Variants in CNTN5 observed in about 807,000 individuals in gnomAD.
CNTN5 encodes contactin-5.
CNTN5 carries 77 observed loss-of-function variants against 129.1 expected under a neutral mutation model. That is an observed-to-expected ratio of 0.60 (90% CI 0.50 to 0.72). The LOEUF is 0.72. Ranked by LOEUF, CNTN5 falls within the 30% of genes least tolerant of loss-of-function variation. The pLI is 0.00. For synonymous variants in CNTN5, 509 were observed against 465.6 expected (o/e 1.09, Z -1.20); for missense variants, 1,478 against 1,328.8 (o/e 1.11, Z -1.75).
intron 3 of CNTN5, among the ~76,000 whole-genome samples, chr11:99,590,870 A>G (rs112336628): frequency 2.0e-5 from 3 of 152,368 alleles, no homozygotes; most frequent in African/African-American, 7.2e-5. Flanking sequence ...TGTTCAGAAT[A>G]TATTTTTTCC....
At chr11:99,930,802 C>CACACACAA (rs1257871925) in intron 7 of CNTN5, among the ~76,000 whole-genome samples, 1 of 151,540 alleles carries the variant, frequency 6.6e-6, no homozygotes, top group East Asian at 1.9e-4. Flanking sequence ...CACAAACACA[C>CACACACAA]ACACACACAC....
chr11:99,806,746 G>A (rs1237092646), intron 3 of CNTN5, among the ~76,000 whole-genome samples: 1 of 150,760 alleles, frequency 6.6e-6, no homozygotes, highest in Non-Finnish European at 1.5e-5. Context: ...GGCAGAGGTG[G>A]CAGTGAGCCA....
chr11:99,682,560 C>CA (rs1285918662), intron 3 of CNTN5, among the ~76,000 whole-genome samples: 1 of 151,862 alleles, frequency 6.6e-6, no homozygotes, highest in Non-Finnish European at 1.5e-5. Flanking sequence ...ACACAGTAAA[C>CA]AAAATATAAT....
intron 16 of CNTN5, among the ~76,000 whole-genome samples, chr11:100,255,000 T>A (rs889551087): frequency 1.3e-5 from 2 of 152,164 alleles, no homozygotes; most frequent in Non-Finnish European, 2.9e-5. Context: ...TCAAATCTGG[T>A]TATAATTCGT....
At chr11:99,431,053 T>C (rs1943347982) in intron 2 of CNTN5, among the ~76,000 whole-genome samples, 1 of 151,050 alleles carries the variant, frequency 6.6e-6, no homozygotes, top group South Asian at 2.1e-4. Flanking sequence ...ATTTCAGCAA[T>C]TTTAAAAGGC....
At chr11:100,172,517 G>A (rs1293569508) in intron 13 of CNTN5, among the ~76,000 whole-genome samples, 2 of 151,994 alleles carry the variant, frequency 1.3e-5, no homozygotes, top group Non-Finnish European at 2.9e-5. Flanking sequence ...TGATGTGTGG[G>A]TGAAAAGATA....
At chr11:99,427,551 G>T (rs557794615) in intron 2 of CNTN5, among the ~76,000 whole-genome samples, 1 of 151,928 alleles carries the variant, frequency 6.6e-6, no homozygotes. Flanking sequence ...CGGATCATGA[G>T]GTCAGGAGAT....
intron 13 of CNTN5, among the ~76,000 whole-genome samples, chr11:100,173,843 GA>G (rs1947888446): frequency 6.6e-6 from 1 of 152,094 alleles, no homozygotes; most frequent in Admixed American, 6.6e-5. Flanking sequence ...ACATAAGTAA[GA>G]CGCTGGTCCC....
At chr11:99,034,077 A>T (rs1863559962) in intron 1 of CNTN5, among the ~76,000 whole-genome samples, 1 of 152,016 alleles carries the variant, frequency 6.6e-6, no homozygotes, top group Admixed American at 6.6e-5. Context: ...ATATTTATTG[A>T]TCTGTATATA....
intron 1 of CNTN5, among the ~76,000 whole-genome samples, chr11:99,286,904 ACTAAGCTATATT>A (rs1468676428): frequency 6.6e-6 from 1 of 152,174 alleles, no homozygotes; most frequent in African/African-American, 2.4e-5. Context: ...GCAAATCCTA[ACTAAGCTATATT>A]ATTTTAACAG....
intron 9 of CNTN5, among the ~76,000 whole-genome samples, chr11:100,043,004 C>G (rs554015788): frequency 1.5e-4 from 22 of 151,080 alleles, no homozygotes; most frequent in African/African-American, 4.8e-4. Context: ...ATTCATTCTT[C>G]TAGTGTAGCT....
chr11:99,473,596 C>A (rs1945258736), intron 2 of CNTN5, among the ~76,000 whole-genome samples: 1 of 151,702 alleles, frequency 6.6e-6, no homozygotes, highest in Non-Finnish European at 1.5e-5. Flanking sequence ...CTGTTCTCAA[C>A]TTAAAGATTG....
At chr11:99,969,969 C>T (rs1312955374) in intron 8 of CNTN5, among the ~76,000 whole-genome samples, 1 of 152,006 alleles carries the variant, frequency 6.6e-6, no homozygotes, top group South Asian at 2.1e-4. Flanking sequence ...TAGAATATCC[C>T]ACAAACTAAC....
chr11:99,369,180 A>ATG (rs1939659542), intron 2 of CNTN5, among the ~76,000 whole-genome samples: 1 of 136,604 alleles, frequency 7.3e-6, no homozygotes, highest in Non-Finnish European at 1.5e-5. Context: ...ATATATATAT[A>ATG]ATATATATAA....
At chr11:99,948,690 G>T (rs756279006) in intron 7 of CNTN5, among the ~76,000 whole-genome samples, 8 of 151,994 alleles carry the variant, frequency 5.3e-5, no homozygotes, top group African/African-American at 1.9e-4. Flanking sequence ...GTAAAATAAG[G>T]TTACCTATTC....
chr11:99,198,171 G>T (rs534007945), intron 1 of CNTN5, among the ~76,000 whole-genome samples: 1 of 152,038 alleles, frequency 6.6e-6, no homozygotes, highest in African/African-American at 2.4e-5. Context: ...TTTCTTTTCT[G>T]TCTTCCCCTA....
intron 6 of CNTN5, among the ~76,000 whole-genome samples, chr11:99,907,401 G>T (rs1949537688): frequency 6.6e-6 from 1 of 151,826 alleles, no homozygotes; most frequent in Non-Finnish European, 1.5e-5. Flanking sequence ...AGGAGGTTGG[G>T]GTGGGTATTT....
chr11:99,130,282 A>G lies in CNTN5; in HGVS notation c.-210+109012A>G, dbSNP rs558240969. Among the ~76,000 whole-genome samples, 8 of 152,310 alleles carry G rather than the reference A, an allele frequency of 5.3e-5. No individual in the cohort carries two copies. In the East Asian group the frequency reaches 1.5e-3, roughly 29 times the overall value. ...AGATGGAGGGAGATTTACCAAACAA[A>G]TAGAAAGAAGAAAAAAACAGGAGTT... On this transcript the variant is annotated intron_variant, in intron 1 of 24. Coordinates refer to ENST00000524871, the MANE Select transcript of CNTN5 (RefSeq NM_014361.4).
At chr11:99,470,142 C>G (rs1190545844) in intron 2 of CNTN5, among the ~76,000 whole-genome samples, 1 of 152,148 alleles carries the variant, frequency 6.6e-6, no homozygotes. Context: ...AGGCCATATT[C>G]TCTCATTTCA....
Sources: allele counts gnomAD v4.1 joint callset (sites outside exome capture counted in the v4.1 genomes callset), GRCh38; gene constraint gnomAD v4.1.1; transcripts MANE v1.5; gene names NCBI Gene and HGNC (gene_info 2026-07-23, HGNC 2026-07-21).